YTHDC2: variants seen among roughly 807,000 people sequenced by gnomAD.
YTHDC2 encodes 3'-5' RNA helicase YTHDC2.
Under a neutral mutation model 174.9 loss-of-function variants are expected in YTHDC2, and 45 were observed. That is an observed-to-expected ratio of 0.26 (90% CI 0.20 to 0.33). YTHDC2 has a LOEUF of 0.33. Among genes scored for constraint, YTHDC2 ranks in the 10% least tolerant of loss-of-function variants. The pLI, the probability that YTHDC2 is intolerant of heterozygous loss-of-function variation, is 1.00. For synonymous variants in YTHDC2, 657 were observed against 574.5 expected, an observed-to-expected ratio of 1.14 and a Z score of -2.05; for missense variants, 1,650 against 1,723.7, an observed-to-expected ratio of 0.96 and a Z score of 0.76.
chr5:113,567,041 A>G lies in YTHDC2; in HGVS notation c.2843-51A>G, dbSNP rs145564367. ...TACAAGTTTTTGGAAAAAATACACA[A>G]AAGTATCTTTTGCACAATAGAAAAA... On this transcript the variant is annotated intron_variant, in intron 21 of 29. Coordinates refer to ENST00000161863, the MANE Select transcript of YTHDC2 (RefSeq NM_022828.5). 825 of 1,552,158 alleles carry G rather than the reference A, an allele frequency of 5.3e-4. 6 individuals carry two copies. The African/African-American group carries it at 0.01, about 19-fold the overall frequency.
At chr5:113,557,072 G>A (rs928913093) in intron 17 of YTHDC2, among the ~76,000 whole-genome samples, 1 of 152,118 alleles carries the variant, frequency 6.6e-6, no homozygotes, top group Non-Finnish European at 1.5e-5. Context: ...ATATATGTGT[G>A]TTTGTGTATG....
intron 2 of YTHDC2, among the ~76,000 whole-genome samples, chr5:113,522,226 T>G (rs1188830945): frequency 2.6e-5 from 4 of 151,786 alleles, no homozygotes; most frequent in Non-Finnish European, 4.4e-5. Context: ...ATTTGAGATT[T>G]GGGCTCTTCA....
intron 2 of YTHDC2, 67 bp downstream of exon 2, chr5:113,515,429 C>T (rs1226100079): frequency 5.4e-6 from 7 of 1,292,354 alleles, no homozygotes; most frequent in Non-Finnish European, 7.7e-6. Context: ...AGAAACGTTT[C>T]TGAGTACATT....
intron 10 of YTHDC2, among the ~76,000 whole-genome samples, chr5:113,544,248 A>G (rs536530258): frequency 4.6e-5 from 7 of 152,220 alleles, no homozygotes; most frequent in African/African-American, 1.7e-4. Flanking sequence ...TCCCGGGTTC[A>G]AGTGATTCTT....
chr5:113,591,275 T>G, intron 27 of YTHDC2, 31 bp downstream of exon 27: 7 of 1,608,326 alleles, frequency 4.4e-6, no homozygotes, highest in Non-Finnish European at 6.0e-6. Flanking sequence ...AAAATGGGGT[T>G]GTTCTGGCTA....
chr5:113,573,012 A>G (rs1580619501), intron 23 of YTHDC2, among the ~76,000 whole-genome samples: 2 of 152,114 alleles, frequency 1.3e-5, no homozygotes, highest in Admixed American at 6.5e-5. Context: ...TTCTGTCATG[A>G]TGCTAGCTGG....
chr5:113,514,853 T>C (rs1311096786), intron 1 of YTHDC2, among the ~76,000 whole-genome samples: 3 of 152,222 alleles, frequency 2.0e-5, no homozygotes, highest in Non-Finnish European at 2.9e-5. Context: ...GAGTTTCATG[T>C]TGAGAATTCA....
chr5:113,555,407 G>A (rs7711211), intron 16 of YTHDC2, among the ~76,000 whole-genome samples: 47,196 of 151,908 alleles, frequency 0.31, 9,483 homozygotes, highest in African/African-American at 0.56. Context: ...TGAAATACAT[G>A]TTCTAGTTAG....
chr5:113,574,127 TTGAA>T (rs1447538639), intron 23 of YTHDC2, among the ~76,000 whole-genome samples: 4 of 152,188 alleles, frequency 2.6e-5, no homozygotes, highest in African/African-American at 9.7e-5. Context: ...ATGCTGACCT[TTGAA>T]TGAGGTTTTT....
chr5:113,560,667 G>A (rs1335587546), intron 17 of YTHDC2, among the ~76,000 whole-genome samples: 1 of 152,174 alleles, frequency 6.6e-6, no homozygotes, highest in Non-Finnish European at 1.5e-5. Context: ...AGGATAAATG[G>A]CATTCCCTTG....
rs753338217 is a variant in YTHDC2, at chr5:113,563,410, A to G, written c.2360A>G (p.Asn787Ser). Residue 787 changes from asparagine (N) to serine (S), a missense_variant, in exon 19 of 30, where the codon AAT becomes AGT. Asn to Ser is a conservative substitution (Grantham distance 46). Around this residue, in one of 5 missense-constraint regions of YTHDC2, gnomAD observed 913 missense variants for 940.4 expected, o/e 0.97. Coordinates refer to ENST00000161863, the MANE Select transcript of YTHDC2 (RefSeq NM_022828.5). ...CLHTKLLAPV[N>S]CPIADFLMKA... ...CATACCAAGCTGTTAGCCCCAGTTA[A>G]TTGTCCCATTGCTGATTTTCTTATG... 10 of 1,611,382 alleles carry G rather than the reference A, an allele frequency of 6.2e-6. No homozygotes were observed. In the East Asian group the frequency reaches 2.0e-4, roughly 32 times the overall value.
chr5:113,573,809 C>T (rs145842710), intron 23 of YTHDC2, among the ~76,000 whole-genome samples: 2 of 152,256 alleles, frequency 1.3e-5, no homozygotes, highest in African/African-American at 4.8e-5. Context: ...TTGTGTTTTT[C>T]AGCTCCGTTA....
intron 2 of YTHDC2, among the ~76,000 whole-genome samples, chr5:113,523,796 G>A (rs906634106): frequency 6.6e-6 from 1 of 151,998 alleles, no homozygotes; most frequent in Admixed American, 6.6e-5. Context: ...TGAAGATACT[G>A]TTGATAAAAT....
intron 13 of YTHDC2, 82 bp from the exon 14 acceptor site, chr5:113,553,508 A>C: frequency 6.6e-7 from 1 of 1,505,252 alleles, no homozygotes; most frequent in Non-Finnish European, 9.1e-7. Context: ...ACTTGAAAAC[A>C]TGTGATACAG....
chr5:113,558,567 C>T (rs1776756938), intron 17 of YTHDC2, among the ~76,000 whole-genome samples: 2 of 152,028 alleles, frequency 1.3e-5, no homozygotes, highest in Admixed American at 1.3e-4. Flanking sequence ...CTTAAAAAAT[C>T]GGACAGTAGT....
chr5:113,543,206 T>A (rs1477947007), intron 10 of YTHDC2, among the ~76,000 whole-genome samples: 2 of 152,196 alleles, frequency 1.3e-5, no homozygotes, highest in African/African-American at 4.8e-5. Context: ...TCCAGTTGGA[T>A]GTCTGTTAGG....
At chr5:113,540,259 G>T (rs1425918959) in intron 8 of YTHDC2, among the ~76,000 whole-genome samples, 1 of 152,082 alleles carries the variant, frequency 6.6e-6, no homozygotes, top group Non-Finnish European at 1.5e-5. Context: ...TCAACAAATG[G>T]TTTTCTACAA....
chr5:113,546,526 A>T (rs1015597122), intron 10 of YTHDC2, among the ~76,000 whole-genome samples: 1 of 152,202 alleles, frequency 6.6e-6, no homozygotes, highest in African/African-American at 2.4e-5. Flanking sequence ...TCTGGGCTTC[A>T]TAGATTTCTT....
chr5:113,514,322 A>G, intron 1 of YTHDC2: 1 of 692,446 alleles, frequency 1.4e-6, no homozygotes, highest in Non-Finnish European at 2.6e-6. Context: ...TCCCTAGCTG[A>G]AAGTGTTTTT....
Sources: gnomAD v4.1 joint callset for allele counts (sites outside exome capture counted in the v4.1 genomes callset) on GRCh38, gnomAD v4.1.1 for gene constraint, gnomAD v4.1.1 regional missense constraint, MANE v1.5 for transcripts, NCBI Gene and HGNC (gene_info 2026-07-23, HGNC 2026-07-21) for gene names.